ADAMTSL1: variants seen among roughly 807,000 people sequenced by gnomAD.
The protein encoded by ADAMTSL1 is ADAMTS-like protein 1.
ADAMTSL1 carries 126 observed loss-of-function variants against 201.8 expected under a neutral mutation model. The ratio of observed to expected loss-of-function variants is 0.62; its 90% CI spans 0.54 to 0.72. The LOEUF (loss-of-function observed/expected upper bound fraction) is 0.72. Among genes scored for constraint, ADAMTSL1 ranks in the 30% least tolerant of loss-of-function variants. The pLI is 0.00. For missense variants in ADAMTSL1, 2,679 were observed against 2,277.8 expected (o/e 1.18, Z -3.59); for synonymous variants, 1,121 against 903.4 (o/e 1.24, Z -4.32).
chr9:18,504,731 C>T (rs1564002870), intron 1 of ADAMTSL1, 98 bp from the exon 2 acceptor site: 5 of 1,531,836 alleles, frequency 3.3e-6, no homozygotes, highest in Non-Finnish European at 4.5e-6. Flanking sequence ...CTAGCAAAGC[C>T]ACCATGTACA....
At chr9:18,321,805 A>C (rs6475213) in intron 2 of ADAMTSL1, among the ~76,000 whole-genome samples, 2,643 of 152,130 alleles carry the variant, frequency 0.017, 38 homozygotes, top group African/African-American at 0.045. Flanking sequence ...AAAAACCAAA[A>C]CAAAACAAAA....
intron 12 of ADAMTSL1, among the ~76,000 whole-genome samples, chr9:18,682,660 A>G (rs1456157676): frequency 6.6e-6 from 1 of 152,186 alleles, no homozygotes; most frequent in Non-Finnish European, 1.5e-5. Flanking sequence ...AACCATTCAG[A>G]AGTAAAGAAC....
chr9:18,124,721 G>GA (rs1479239200), intron 1 of ADAMTSL1, among the ~76,000 whole-genome samples: 3 of 151,762 alleles, frequency 2.0e-5, no homozygotes, highest in Non-Finnish European at 4.4e-5. Flanking sequence ...TTCATTGAGA[G>GA]AAAAAAAATG....
At chr9:18,084,340 G>T (rs988309951) in intron 1 of ADAMTSL1, among the ~76,000 whole-genome samples, 2 of 151,452 alleles carry the variant, frequency 1.3e-5, no homozygotes, top group Non-Finnish European at 2.9e-5. Flanking sequence ...TGGTCAACAT[G>T]GTGAAACCCC....
chr9:18,525,808 A>G, intron 2 of ADAMTSL1, among the ~76,000 whole-genome samples: 1 of 152,166 alleles, frequency 6.6e-6, no homozygotes, highest in East Asian at 1.9e-4. Context: ...GGTCAGAGAG[A>G]CAGTTTGTTA....
intron 2 of ADAMTSL1, among the ~76,000 whole-genome samples, chr9:18,287,673 ATACATACATAAATATAT>A (rs1833068328): frequency 6.6e-6 from 1 of 151,228 alleles, no homozygotes; most frequent in African/African-American, 2.4e-5. Context: ...ATGTATGTGT[ATACATACATAAATATAT>A]TACATATATG....
intron 2 of ADAMTSL1, among the ~76,000 whole-genome samples, chr9:18,187,451 C>T (rs1305220281): frequency 6.6e-6 from 1 of 151,950 alleles, no homozygotes. Context: ...ATCTAAAGGG[C>T]TTAAATACCC....
At chr9:18,214,290 C>T (rs1021099231) in intron 2 of ADAMTSL1, among the ~76,000 whole-genome samples, 7 of 152,086 alleles carry the variant, frequency 4.6e-5, no homozygotes, top group South Asian at 2.1e-4. Context: ...AAAATCTCTT[C>T]GAAATTCAAA....
chr9:18,217,166 C>T (rs1830084922), intron 2 of ADAMTSL1, among the ~76,000 whole-genome samples: 1 of 152,136 alleles, frequency 6.6e-6, no homozygotes, highest in African/African-American at 2.4e-5. Flanking sequence ...TGTTCTGTTG[C>T]CTGCTTTTTC....
At chr9:18,073,824 G>A (rs1823073622) in intron 1 of ADAMTSL1, among the ~76,000 whole-genome samples, 1 of 152,170 alleles carries the variant, frequency 6.6e-6, no homozygotes, top group Non-Finnish European at 1.5e-5. Flanking sequence ...GCAATGTCAT[G>A]TGCTAAATGA....
At chr9:18,457,291 GA>G (rs964223161) in intron 2 of ADAMTSL1, among the ~76,000 whole-genome samples, 4 of 152,056 alleles carry the variant, frequency 2.6e-5, no homozygotes, top group African/African-American at 7.2e-5. Flanking sequence ...TAAAATCACG[GA>G]AAAAATGTTT....
chr9:18,626,808 T>A (rs1365996383), intron 5 of ADAMTSL1, among the ~76,000 whole-genome samples: 1 of 117,798 alleles, frequency 8.5e-6, no homozygotes, highest in Non-Finnish European at 2.0e-5. Context: ...GTATTTATTT[T>A]CTTTCTTTCT....
intron 2 of ADAMTSL1, among the ~76,000 whole-genome samples, chr9:18,378,111 G>A (rs974559204): frequency 2.0e-5 from 3 of 152,146 alleles, no homozygotes; most frequent in African/African-American, 4.8e-5. Flanking sequence ...GTAAAAGGGT[G>A]GCGAGAGGAG....
intron 2 of ADAMTSL1, among the ~76,000 whole-genome samples, chr9:18,315,711 C>T (rs896932441): frequency 6.6e-6 from 1 of 152,168 alleles, no homozygotes; most frequent in African/African-American, 2.4e-5. Context: ...CGCGCCTCTC[C>T]CTCCACACCT....
intron 4 of ADAMTSL1, among the ~76,000 whole-genome samples, chr9:18,575,626 G>C (rs1193959998): frequency 6.6e-6 from 1 of 152,180 alleles, no homozygotes; most frequent in Admixed American, 6.5e-5. Flanking sequence ...GATTTAGAAA[G>C]GGGACTGTGT....
rs866132239 is a variant in ADAMTSL1, at chr9:18,276,259, A to T, written c.207+112278A>T. Among the ~76,000 whole-genome samples, 8 of 152,144 alleles carry T rather than the reference A, an allele frequency of 5.3e-5. No homozygotes were observed. The East Asian group carries it at 9.6e-4, about 18-fold the overall frequency. ...ATTTTAGAAAAGAGTTCTTTGTCAG[A>T]TATATGTTTAGCAAATGTTTTATAC... On this transcript the variant is annotated intron_variant, in intron 2 of 29. Transcript: ENST00000680146.
At chr9:18,217,354 T>A (rs970071520) in intron 2 of ADAMTSL1, among the ~76,000 whole-genome samples, 1 of 152,146 alleles carries the variant, frequency 6.6e-6, no homozygotes, top group Non-Finnish European at 1.5e-5. Context: ...TCACTGTTGC[T>A]TCCCATCTTG....
chr9:18,847,280 A>G (rs552043671), intron 23 of ADAMTSL1, among the ~76,000 whole-genome samples: 1 of 152,214 alleles, frequency 6.6e-6, no homozygotes, highest in African/African-American at 2.4e-5. Context: ...TAACAGAGGA[A>G]CTGCTCAAGC....
intron 1 of ADAMTSL1, among the ~76,000 whole-genome samples, chr9:18,124,611 T>A (rs1031292952): frequency 6.6e-6 from 1 of 152,186 alleles, no homozygotes; most frequent in African/African-American, 2.4e-5. Flanking sequence ...ACATGCCTGT[T>A]ATATGTGATA....
Sources: gnomAD v4.1 joint callset for allele counts (sites outside exome capture counted in the v4.1 genomes callset) on GRCh38, gnomAD v4.1.1 for gene constraint, MANE v1.5 for transcripts, NCBI Gene and HGNC (gene_info 2026-07-23, HGNC 2026-07-21) for gene names.